KIZ: variants seen among roughly 807,000 people sequenced by gnomAD.
KIZ encodes centrosomal protein kizuna.
KIZ carries 68 observed loss-of-function variants against 79.6 expected under a neutral mutation model. The observed-to-expected ratio is 0.85, with a 90% CI of 0.70 to 1.05. KIZ has a LOEUF of 1.05. Among genes scored for constraint, KIZ ranks in the 50% least tolerant of loss-of-function variants. The probability of loss-of-function intolerance (pLI) is 0.00; values close to 1 mark genes in which losing one functional copy is unlikely to be tolerated. For missense variants in KIZ, 797 were observed against 800.4 expected, an observed-to-expected ratio of 1.00 and a Z score of 0.05; for synonymous variants, 280 against 281.8, an observed-to-expected ratio of 0.99 and a Z score of 0.06.
chr20:21,226,583 C>T (rs1319321540), intron 9 of KIZ, among the ~76,000 whole-genome samples: 2 of 152,140 alleles, frequency 1.3e-5, no homozygotes, highest in Non-Finnish European at 2.9e-5. Context: ...CACAGTTGGG[C>T]GGCAGCAGTG....
intron 7 of KIZ, 147 bp from the exon 8 acceptor site, chr20:21,214,388 C>T: frequency 1.7e-6 from 1 of 574,188 alleles, no homozygotes; most frequent in Non-Finnish European, 3.0e-6. Flanking sequence ...TTTTTCTTGA[C>T]ATTTTAATTT....
In KIZ at chr20:21,168,663, C is replaced by T. The variant is rs1439987175; in HGVS notation, c.1352+5504C>T. Among the ~76,000 whole-genome samples, 35 of 152,208 alleles carry T rather than the reference C, an allele frequency of 2.3e-4. 1 individual carries two copies. Among genetic ancestry groups the T allele is most frequent in the Admixed American group, 1.4e-3 (22 of 15,272 alleles). On this transcript the variant is annotated intron_variant, in intron 6 of 12. Coordinates refer to ENST00000619189, the MANE Select transcript of KIZ (RefSeq NM_018474.6). ...CAAAAGAACAAAGCTGGAGGCATCACGCTACCTGACTTCAAACTATACTAC... is the reference window on the plus strand; with the variant it reads ...CAAAAGAACAAAGCTGGAGGCATCATGCTACCTGACTTCAAACTATACTAC...
intron 6 of KIZ, among the ~76,000 whole-genome samples, chr20:21,178,245 A>T (rs1160738088): frequency 1.3e-5 from 2 of 151,862 alleles, no homozygotes; most frequent in African/African-American, 4.8e-5. Context: ...ATCTTCTTTA[A>T]TTTCTGTCAT....
upstream of KIZ, chr20:21,126,009 G>T: frequency 7.5e-7 from 1 of 1,325,452 alleles, no homozygotes; most frequent in Non-Finnish European, 9.6e-7. Flanking sequence ...TCCTGCAGGC[G>T]GCCCGGCGCG....
At chr20:21,220,241 CA>C (rs1037254258) in intron 9 of KIZ, among the ~76,000 whole-genome samples, 1 of 151,246 alleles carries the variant, frequency 6.6e-6, no homozygotes, top group African/African-American at 2.4e-5. Flanking sequence ...TACCAGAAAC[CA>C]CAAAAGATGG....
chr20:21,228,191 T>C (rs1418786551), intron 9 of KIZ, among the ~76,000 whole-genome samples: 1 of 152,182 alleles, frequency 6.6e-6, no homozygotes, highest in Non-Finnish European at 1.5e-5. Flanking sequence ...TTGTGTTACA[T>C]TGAAGATGCA....
At chr20:21,164,185 A>G (rs1294189533) in intron 6 of KIZ, among the ~76,000 whole-genome samples, 4 of 152,194 alleles carry the variant, frequency 2.6e-5, no homozygotes, top group Non-Finnish European at 4.4e-5. Context: ...TGTACGGCAT[A>G]TGTTCTCTTT....
chr20:21,204,928 A>G (rs981805710), intron 6 of KIZ, among the ~76,000 whole-genome samples: 2 of 152,210 alleles, frequency 1.3e-5, no homozygotes, highest in African/African-American at 2.4e-5. Context: ...CTGACCATCT[A>G]TGCAGTGATT....
chr20:21,194,696 A>G (rs2035263313), intron 6 of KIZ: 1 of 152,142 alleles, frequency 6.6e-6, no homozygotes, highest in African/African-American at 2.4e-5. Flanking sequence ...CAACCATTAT[A>G]AAAATACTGT....
At chr20:21,193,746 A>G (rs1380390642) in intron 6 of KIZ, among the ~76,000 whole-genome samples, 1 of 151,232 alleles carries the variant, frequency 6.6e-6, no homozygotes, top group East Asian at 2.0e-4. Context: ...TCAGCAAACT[A>G]TCGCAAGGAC....
chr20:21,211,584 A>G (rs2036069781), intron 7 of KIZ, among the ~76,000 whole-genome samples: 1 of 152,162 alleles, frequency 6.6e-6, no homozygotes, highest in Admixed American at 6.5e-5. Context: ...TTTTTCAGAG[A>G]ATTAGCTCCA....
At chr20:21,152,884 G>A (rs1174491170) in intron 4 of KIZ, among the ~76,000 whole-genome samples, 2 of 152,326 alleles carry the variant, frequency 1.3e-5, no homozygotes, top group East Asian at 1.9e-4. Flanking sequence ...ATCTTAGTGA[G>A]ATCAGATTTT....
intron 4 of KIZ, among the ~76,000 whole-genome samples, chr20:21,149,888 C>G (rs1307949716): frequency 6.6e-6 from 1 of 152,136 alleles, no homozygotes; most frequent in South Asian, 2.1e-4. Context: ...TGGGAAGGAC[C>G]CTAACACAAG....
intron 3 of KIZ, among the ~76,000 whole-genome samples, chr20:21,142,107 A>G (rs1298264361): frequency 1.3e-5 from 2 of 151,488 alleles, no homozygotes; most frequent in East Asian, 3.9e-4. Flanking sequence ...TCTCTCTCAC[A>G]CATACACACA....
At chr20:21,239,350 C>T (rs981665415) in intron 11 of KIZ, among the ~76,000 whole-genome samples, 18 of 152,128 alleles carry the variant, frequency 1.2e-4, no homozygotes, top group Non-Finnish European at 2.1e-4. Context: ...CCCTGTGGGG[C>T]GGGTGTCTAC....
intron 6 of KIZ, among the ~76,000 whole-genome samples, chr20:21,164,553 T>C (rs1222099883): frequency 6.6e-6 from 1 of 152,180 alleles, no homozygotes; most frequent in Non-Finnish European, 1.5e-5. Context: ...TTTTATGGCA[T>C]GGTGGACAAG....
intron 2 of KIZ, among the ~76,000 whole-genome samples, chr20:21,135,326 G>A (rs567814056): frequency 3.3e-5 from 5 of 152,288 alleles, no homozygotes; most frequent in African/African-American, 9.6e-5. Context: ...GAGTGTGAAC[G>A]ACAGTATGTT....
At chr20:21,229,551 T>G (rs2036769530) in intron 10 of KIZ, among the ~76,000 whole-genome samples, 1 of 152,152 alleles carries the variant, frequency 6.6e-6, no homozygotes, top group South Asian at 2.1e-4. Flanking sequence ...ATGCTAAATT[T>G]TATTATTTTA....
chr20:21,166,727 G>T, intron 6 of KIZ: 1 of 612,952 alleles, frequency 1.6e-6, no homozygotes, highest in Non-Finnish European at 2.9e-6. Flanking sequence ...CAAAGTGTTG[G>T]GATTACAAGC....
Sources: gnomAD v4.1 joint callset for allele counts (sites outside exome capture counted in the v4.1 genomes callset) on GRCh38, gnomAD v4.1.1 for gene constraint, MANE v1.5 for transcripts, NCBI Gene and HGNC (gene_info 2026-07-23, HGNC 2026-07-21) for gene names.